Variants in RIF1 observed in about 807,000 individuals in gnomAD.
RIF1 encodes telomere-associated protein RIF1.
In RIF1, 45 loss-of-function variants were observed where a neutral mutation model predicts 247.1. The ratio of observed to expected loss-of-function variants is 0.18; its 90% CI spans 0.14 to 0.23. The LOEUF is 0.23. RIF1 is among the 10% of genes least tolerant of loss of function. The probability of loss-of-function intolerance (pLI) is 1.00; values close to 1 mark genes in which losing one functional copy is unlikely to be tolerated. For synonymous variants in RIF1, 1,087 were observed against 978.8 expected (o/e 1.11, Z -2.06); for missense variants, 2,967 against 2,862.5 (o/e 1.04, Z -0.83).
chr2:151,414,725 A>G, intron 3 of RIF1, 98 bp from the exon 4 acceptor site: 1 of 737,400 alleles, frequency 1.4e-6, no homozygotes, highest in South Asian at 1.8e-5. Flanking sequence ...TTGTTGGAGT[A>G]ACATGATGAA....
chr2:151,485,512 T>G, downstream of RIF1: 1 of 350,998 alleles, frequency 2.8e-6, no homozygotes, highest in Non-Finnish European at 5.1e-6. Context: ...AGAAAAGAAA[T>G]AATGTTAAAA....
At chr2:151,505,362 A>C (rs1436022805) in intron 12 of RIF1, 1 of 915,228 alleles carries the variant, frequency 1.1e-6, no homozygotes, top group East Asian at 2.4e-5. Flanking sequence ...GGGAGAATTC[A>C]CAACATCCCC....
chr2:151,439,042 C>G (rs1691767279), intron 14 of RIF1, among the ~76,000 whole-genome samples: 1 of 152,038 alleles, frequency 6.6e-6, no homozygotes, highest in Non-Finnish European at 1.5e-5. Flanking sequence ...AGCTGATGAG[C>G]ACATATTTAT....
At position 151,440,203 on chromosome 2, in the gene RIF1, A is replaced by G. The variant is rs1254634194; in HGVS notation, c.1647+76A>G. The G allele has an allele frequency of 1.2e-5, 10 of 833,876 alleles. No homozygotes were observed. The East Asian group carries it at 2.6e-4, about 21-fold the overall frequency. 51.7% of individuals were successfully genotyped at this position (833,876 alleles called of 1,614,324 possible). ...AATTTTATATAGAAGATATTTGCAC[A>G]AATCTAGTTTGGGAAGACTTTTTTA... is the stretch of plus-strand genomic sequence containing the variant. On this transcript the variant is annotated intron_variant, in intron 15 of 35. Coordinates refer to ENST00000444746, the MANE Select transcript of RIF1 (RefSeq NM_018151.5).
intron 21 of RIF1, 103 bp from the exon 22 acceptor site, chr2:151,454,792 G>T: frequency 2.6e-6 from 2 of 780,548 alleles, no homozygotes; most frequent in Non-Finnish European, 2.0e-6. Context: ...ACATGTATTT[G>T]ATGTATCTAA....
chr2:151,507,616 C>T (rs982799384), intron 13 of RIF1: 8 of 209,124 alleles, frequency 3.8e-5, no homozygotes, highest in East Asian at 1.1e-4. Context: ...ATCACACTTC[C>T]GCATCTCTAT....
chr2:151,473,250 C>T (rs1169742680), intron 34 of RIF1, among the ~76,000 whole-genome samples: 1 of 149,804 alleles, frequency 6.7e-6, no homozygotes, highest in Non-Finnish European at 1.5e-5. Context: ...TTTTCTCAAT[C>T]AGTGGTCCAT....
chr2:151,443,839 C>T lies in RIF1; in HGVS notation c.1986+130C>T, dbSNP rs115586077. 1,519 of 538,304 alleles carry T rather than the reference C, an allele frequency of 2.8e-3. 4 individuals carry two copies. Among genetic ancestry groups the T allele is most frequent in the Non-Finnish European group, 3.1e-3 (1,031 of 328,330 alleles). 33.3% of individuals were successfully genotyped at this position (538,304 alleles called of 1,614,324 possible). A position where few individuals can be genotyped will look rare whatever the true frequency, so the allele number is the denominator to read the frequency against. On this transcript the variant is annotated intron_variant, in intron 18 of 35. Transcript: ENST00000444746. ...TATTTTTTCTGGTGGAATTGGTAAA[C>T]GTTGTACTTTTGATTGATTTTATTG...
intron 10 of RIF1, chr2:151,497,093 G>A: frequency 6.6e-7 from 1 of 1,522,478 alleles, no homozygotes. Context: ...TTGTTGAAAG[G>A]TTTTAAGGGT....
At chr2:151,505,437 T>G (rs747521866) in intron 12 of RIF1, 4 of 1,514,258 alleles carry the variant, frequency 2.6e-6, no homozygotes, top group Non-Finnish European at 9.2e-7. Flanking sequence ...AATTGAGAGA[T>G]GGCCAGTCAC....
At chr2:151,456,674 A>G in intron 23 of RIF1, 54 bp downstream of exon 23, 1 of 1,021,018 alleles carries the variant, frequency 9.8e-7, no homozygotes, top group South Asian at 1.5e-5. Context: ...AAAATGATAG[A>G]GTTTAGATAA....
At chr2:151,474,685 A>ATAC (rs1457320178) in intron 35 of RIF1, among the ~76,000 whole-genome samples, 172 bp from the exon 36 acceptor site, 1 of 152,182 alleles carries the variant, frequency 6.6e-6, no homozygotes, top group African/African-American at 2.4e-5. Context: ...CATAATAATA[A>ATAC]TAAGCAGCAG....
chr2:151,411,095 T>A (rs375637712), intron 2 of RIF1, among the ~76,000 whole-genome samples, 165 bp from the exon 3 acceptor site: 2 of 152,236 alleles, frequency 1.3e-5, no homozygotes, highest in South Asian at 4.1e-4. Context: ...ATTTCTGATA[T>A]ATATTGCATT....
chr2:151,436,496 G>A (rs988281404), intron 11 of RIF1, among the ~76,000 whole-genome samples: 32 of 145,592 alleles, frequency 2.2e-4, no homozygotes, highest in African/African-American at 8.2e-4. Context: ...AACTATGATT[G>A]TACCACTGCA....
intron 34 of RIF1, among the ~76,000 whole-genome samples, chr2:151,470,164 T>A (rs1462706000): frequency 6.6e-6 from 1 of 152,068 alleles, no homozygotes; most frequent in African/African-American, 2.4e-5. Flanking sequence ...GGTCACAGTA[T>A]TTTGGTTTGG....
intron 13 of RIF1, among the ~76,000 whole-genome samples, chr2:151,437,791 C>T (rs1375054301): frequency 1.3e-5 from 2 of 152,174 alleles, no homozygotes; most frequent in Non-Finnish European, 2.9e-5. Flanking sequence ...TTAATTTTCG[C>T]AGTAACATAC....
intron 1 of RIF1, 27 bp downstream of exon 1, chr2:151,410,060 G>A: frequency 1.4e-6 from 1 of 702,738 alleles, no homozygotes; most frequent in Non-Finnish European, 2.6e-6. Flanking sequence ...GGTGACAGTG[G>A]TAGGCCGCGG....
In RIF1 at chr2:151,476,571, A is replaced by AATAT. The variant is rs2152557807; in HGVS notation, c.*1501_*1502insTATA. On this transcript the variant is annotated 3_prime_UTR_variant, in exon 36 of 36. Transcript: ENST00000444746. ...CTCTCGTATATTCAGGGATCTCTAT[A>AATAT]AAAGTTGGTGTCTTTTTTCATCATC... 6.6e-6 allele frequency: 1 copy of AATAT among 152,258 alleles called. No individual in the cohort carries two copies. Among genetic ancestry groups the AATAT allele is most frequent in the Non-Finnish European group, 1.5e-5 (1 of 67,996 alleles). The allele number at this position is 152,258 out of a possible 1,614,324, so 9.4% of individuals were successfully genotyped here.
At chr2:151,518,089 T>A in the RIF1 span, among the ~76,000 whole-genome samples, 4 of 152,222 alleles carry the variant, frequency 2.6e-5, no homozygotes, top group East Asian at 5.8e-4. Flanking sequence ...ACACTCTTTA[T>A]GCTTCCAGCC....
Sources: gnomAD v4.1 joint callset for allele counts (sites outside exome capture counted in the v4.1 genomes callset) on GRCh38, gnomAD v4.1.1 for gene constraint, MANE v1.5 for transcripts, NCBI Gene and HGNC (gene_info 2026-07-23, HGNC 2026-07-21) for gene names.